Variants in CLVS1 observed in about 807,000 individuals in gnomAD.
CLVS1 encodes clavesin 1.
Under a neutral mutation model 33.1 loss-of-function variants are expected in CLVS1, and 10 were observed. The observed-to-expected ratio is 0.30, with a 90% CI of 0.19 to 0.51. The LOEUF (loss-of-function observed/expected upper bound fraction) is 0.51, where lower values mean the gene tolerates loss of function less well. Ranked by LOEUF, CLVS1 falls within the 20% of genes least tolerant of loss-of-function variation. CLVS1 has a pLI of 0.97. For synonymous variants in CLVS1, 163 were observed against 166.1 expected, an observed-to-expected ratio of 0.98 and a Z score of 0.14; for missense variants, 343 against 433.4, an observed-to-expected ratio of 0.79 and a Z score of 1.85.
chr8:61,285,446 C>T (rs768774929), upstream of CLVS1, among the ~76,000 whole-genome samples: 14 of 152,198 alleles, frequency 9.2e-5, no homozygotes, highest in Non-Finnish European at 1.6e-4. Flanking sequence ...CTCTGCTTGA[C>T]CTCCATTTCA....
intron 3 of CLVS1, chr8:61,377,026 T>TA (rs1813672343): frequency 2.5e-6 from 1 of 405,078 alleles, no homozygotes; most frequent in Admixed American, 4.1e-5. Context: ...CAATAATGAA[T>TA]AAAGCTCCAA....
intron 2 of CLVS1, among the ~76,000 whole-genome samples, chr8:61,205,683 AT>A (rs989915283): frequency 9.2e-5 from 14 of 152,188 alleles, no homozygotes; most frequent in African/African-American, 3.1e-4. Flanking sequence ...AGCAACCACC[AT>A]CTAGTTTTCA....
intron 3 of CLVS1, among the ~76,000 whole-genome samples, chr8:61,441,570 C>A (rs565965329): frequency 1.3e-5 from 2 of 152,116 alleles, no homozygotes; most frequent in South Asian, 2.1e-4. Context: ...ATGTTTTGAA[C>A]CTTGTTGTGA....
intron 2 of CLVS1, among the ~76,000 whole-genome samples, chr8:61,345,513 T>C (rs1360226098): frequency 6.6e-6 from 1 of 152,028 alleles, no homozygotes; most frequent in Non-Finnish European, 1.5e-5. Flanking sequence ...GAAGCAACAA[T>C]TAAAAGTCCT....
intron 2 of CLVS1, among the ~76,000 whole-genome samples, chr8:61,340,092 A>G (rs796303682): frequency 6.6e-6 from 1 of 152,094 alleles, no homozygotes; most frequent in African/African-American, 2.4e-5. Context: ...GAAAGAAAGA[A>G]AAAGAAAGAA....
chr8:61,421,184 G>A (rs1369125065), intron 3 of CLVS1, among the ~76,000 whole-genome samples: 1 of 152,078 alleles, frequency 6.6e-6, no homozygotes, highest in Non-Finnish European at 1.5e-5. Context: ...GCCTAGAACC[G>A]AACCCCTCAG....
chr8:61,391,663 G>C (rs180671823), intron 3 of CLVS1, among the ~76,000 whole-genome samples: 128 of 152,306 alleles, frequency 8.4e-4, no homozygotes, highest in Middle Eastern at 3.4e-3. Flanking sequence ...CATTTGTTGA[G>C]AGGAGTAATC....
chr8:61,439,176 T>C (rs985480937), intron 3 of CLVS1, among the ~76,000 whole-genome samples: 4 of 152,212 alleles, frequency 2.6e-5, no homozygotes, highest in Admixed American at 6.5e-5. Context: ...AAGCATACTG[T>C]CACTTCTGGC....
chr8:61,467,273 C>G (rs570398761), intron 5 of CLVS1, among the ~76,000 whole-genome samples: 1 of 152,126 alleles, frequency 6.6e-6, no homozygotes, highest in Non-Finnish European at 1.5e-5. Flanking sequence ...TAAGTGATGG[C>G]GGGTGCCCTT....
chr8:61,031,220 G>A, the CLVS1 span, among the ~76,000 whole-genome samples: 1,636 of 152,280 alleles, frequency 0.011, 34 homozygotes, highest in African/African-American at 0.037. Flanking sequence ...GGGAAAGGGG[G>A]ATTTGGACAG....
intron 2 of CLVS1, among the ~76,000 whole-genome samples, chr8:61,229,896 G>C (rs1242292631): frequency 6.6e-6 from 1 of 152,180 alleles, no homozygotes; most frequent in African/African-American, 2.4e-5. Context: ...CAAAGAGTGG[G>C]ATTACAGGCC....
At chr8:61,401,201 T>C (rs1406370702) in intron 3 of CLVS1, among the ~76,000 whole-genome samples, 1 of 151,708 alleles carries the variant, frequency 6.6e-6, no homozygotes, top group Admixed American at 6.6e-5. Context: ...TTATACATAC[T>C]AGATTGTGTC....
intron 5 of CLVS1, among the ~76,000 whole-genome samples, chr8:61,463,914 C>CA (rs559098675): frequency 1.2e-3 from 178 of 150,112 alleles, no homozygotes; most frequent in Admixed American, 1.9e-3. Flanking sequence ...TAAAAAAATA[C>CA]AAAAAAAAAT....
At chr8:61,233,815 C>G (rs1808497067) in intron 2 of CLVS1, among the ~76,000 whole-genome samples, 1 of 152,250 alleles carries the variant, frequency 6.6e-6, no homozygotes, top group Admixed American at 6.5e-5. Context: ...ACACTCCATT[C>G]TCTGCCTGGT....
intron 3 of CLVS1, among the ~76,000 whole-genome samples, chr8:61,398,163 T>C (rs993019467): frequency 7.2e-5 from 11 of 151,750 alleles, no homozygotes; most frequent in African/African-American, 2.4e-4. Context: ...TTTTATACTG[T>C]TTGTTTTATA....
chr8:61,403,360 C>T (rs752339886), intron 3 of CLVS1, among the ~76,000 whole-genome samples: 20 of 152,266 alleles, frequency 1.3e-4, no homozygotes, highest in East Asian at 9.6e-4. Flanking sequence ...GGGCTCTGGG[C>T]TGAAGGATGA....
chr8:61,010,561 C>T, the CLVS1 span, among the ~76,000 whole-genome samples: 2 of 152,224 alleles, frequency 1.3e-5, no homozygotes, highest in Non-Finnish European at 2.9e-5. Flanking sequence ...AGCCAGGGAG[C>T]TGAGGTTCTG....
the CLVS1 span, among the ~76,000 whole-genome samples, chr8:60,987,634 CCTTA>C: frequency 6.6e-5 from 10 of 152,260 alleles, no homozygotes; most frequent in East Asian, 1.9e-3. Flanking sequence ...AAAAATGTAT[CCTTA>C]CTTTACAGGG....
Position 61,288,124 on chromosome 8 carries a change from G to A in CLVS1, c.-166G>A. On this transcript the variant is annotated 5_prime_UTR_variant, in exon 1 of 6. Transcript: ENST00000325897. ...GAAATACATTCCCAAAGCAAGGCTGGGCGGCCGTGTGAAGGTATTTGTTAC... is the reference window on the plus strand; with the variant it reads ...GAAATACATTCCCAAAGCAAGGCTGAGCGGCCGTGTGAAGGTATTTGTTAC... The A allele has an allele frequency of 2.2e-6, 1 of 456,274 alleles. No homozygotes were observed. Among genetic ancestry groups the A allele is most frequent in the Non-Finnish European group, 4.4e-6 (1 of 226,966 alleles). 28.3% of individuals were successfully genotyped at this position (456,274 alleles called of 1,614,324 possible). A position where few individuals can be genotyped will look rare whatever the true frequency, so the allele number is the denominator to read the frequency against.
Sources: allele counts gnomAD v4.1 joint callset (sites outside exome capture counted in the v4.1 genomes callset), GRCh38; gene constraint gnomAD v4.1.1; transcripts MANE v1.5; gene names NCBI Gene and HGNC (gene_info 2026-07-23, HGNC 2026-07-21).